The following USP1 variants were observed in gnomAD, a reference collection of about 807,000 sequenced individuals.
The protein encoded by USP1 is ubiquitin carboxyl-terminal hydrolase 1.
In USP1, 18 loss-of-function variants were observed where a neutral mutation model predicts 72.2. That is an observed-to-expected ratio of 0.25 (90% CI 0.17 to 0.37). The LOEUF is 0.37. USP1 is among the 10% of genes least tolerant of loss of function. USP1 has a pLI of 1.00. For missense variants in USP1, 759 were observed against 884.9 expected, an observed-to-expected ratio of 0.86 and a Z score of 1.81; for synonymous variants, 354 against 303.7, an observed-to-expected ratio of 1.17 and a Z score of -1.72.
Position 62,439,946 on chromosome 1 carries a change from T to G in USP1, c.79T>G (p.Phe27Val), listed in dbSNP as rs372630655. The change falls in exon 2 of 9, where the codon TTT becomes GTT. Residue 27 changes from phenylalanine (F) to valine (V), a missense_variant. By Grantham distance (50) the Phe-to-Val change is conservative. Around this residue, in one of 9 missense-constraint regions of USP1, gnomAD observed 86 missense variants for 82.0 expected, o/e 1.05. Coordinates refer to ENST00000339950, the MANE Select transcript of USP1 (RefSeq NM_003368.5). ...AAAGAAAAACAGACTTTCCTTAAAG[T>G]TTTTTCAGAAAAAGGAAACTAAGAG... is the stretch of plus-strand genomic sequence containing the variant. ...PSKKNRLSLK[F>V]FQKKETKRAL... The G allele has an allele frequency of 1.1e-5, 17 of 1,567,208 alleles. No homozygotes were observed. In the South Asian group the frequency reaches 1.8e-4, roughly 17 times the overall value.
intron 8 of USP1, among the ~76,000 whole-genome samples, chr1:62,449,410 CAT>C (rs538953237): frequency 6.0e-4 from 92 of 152,132 alleles, no homozygotes; most frequent in African/African-American, 2.1e-3. Flanking sequence ...TTTTTTCTGA[CAT>C]GTGTAATGTC....
At chr1:62,447,829 C>T (rs1043628280) in intron 7 of USP1, among the ~76,000 whole-genome samples, 1 of 152,086 alleles carries the variant, frequency 6.6e-6, no homozygotes, top group Non-Finnish European at 1.5e-5. Context: ...CTCGGTTGCC[C>T]AGGCTGGAGT....
intron 3 of USP1, 67 bp from the exon 4 acceptor site, chr1:62,442,128 G>A: frequency 9.2e-7 from 1 of 1,087,224 alleles, no homozygotes; most frequent in African/African-American, 1.6e-5. Flanking sequence ...AAAGCATGAT[G>A]TTGTTTTAAT....
chr1:62,450,511 G>A lies in USP1; in HGVS notation c.1888G>A (p.Glu630Lys). ...EIGKPEPLNE[E>K]EARGVVENYN... Reference sequence around the variant, plus strand: ...AGGTAAGCCAGAACCATTGAATGAGGAGGAAGCAAGGGGTGTGGTTGAGAA... The same window carrying A: ...AGGTAAGCCAGAACCATTGAATGAGAAGGAAGCAAGGGGTGTGGTTGAGAA... The change falls in exon 9 of 9, where the codon GAG (glutamate) becomes AAG (lysine). Residue 630 changes from glutamate to lysine, a missense_variant. Transcript: ENST00000339950. 1 of 1,614,056 alleles carries A rather than the reference G, an allele frequency of 6.2e-7. No homozygotes were observed. Among genetic ancestry groups the A allele is most frequent in the Non-Finnish European group, 8.5e-7 (1 of 1,180,016 alleles).
In USP1 at chr1:62,444,939, T is replaced by C. The variant is rs199900749; in HGVS notation, c.759T>C (p.Ser253=). The part of the protein sequence containing the change: ...MNGINSIEMD[S]MRHSEDFKEK... ...GTATTAACAGCATAGAGATGGACAG[T>C]ATGAGGCATTCTGAAGACTTTAAAG... is the stretch of plus-strand genomic sequence containing the variant. The change falls in exon 6 of 9, where the codon AGT becomes AGC. Residue 253 remains serine (S), a synonymous_variant. Coordinates refer to ENST00000339950, the MANE Select transcript of USP1 (RefSeq NM_003368.5). The C allele has an allele frequency of 1.2e-4, 199 of 1,613,562 alleles. No individual in the cohort carries two copies. Among genetic ancestry groups the C allele is most frequent in the Non-Finnish European group, 1.6e-4 (190 of 1,179,852 alleles).
intron 7 of USP1, among the ~76,000 whole-genome samples, 153 bp from the exon 8 acceptor site, chr1:62,448,312 T>A (rs1195983435): frequency 1.3e-5 from 2 of 152,254 alleles, no homozygotes; most frequent in Non-Finnish European, 2.9e-5. Flanking sequence ...AGGATGCACT[T>A]ATGAAAGTAG....
In USP1 at chr1:62,438,892, G is replaced by C. The variant is rs1438135824; in HGVS notation, c.-69-907G>C. On this transcript the variant is annotated intron_variant, in intron 1 of 8. Transcript: ENST00000339950. ...GAATTGGATTTACACAAAGTGCATC[G>C]AACAGTTTTTTTTATCACGGTCTCA... Among the ~76,000 whole-genome samples, 3 of 152,138 alleles carry C rather than the reference G, an allele frequency of 2.0e-5. No homozygotes were observed. The East Asian group carries it at 5.8e-4, about 29-fold the overall frequency.
At position 62,451,737 on chromosome 1, in the gene USP1, T is replaced by A; in HGVS notation, c.*756T>A. On this transcript the variant is annotated 3_prime_UTR_variant, in exon 9 of 9. Transcript: ENST00000339950. ...CAATAAAATTTAAACTGCTTAACTA[T>A]GTATATGAATATTTGAATTTTTTAC... 6.5e-6 allele frequency: 1 copy of A among 152,744 alleles called. No individual in the cohort carries two copies. The highest frequency in any genetic ancestry group is 2.1e-4 in the South Asian group (1 of 4,832). 9.5% of individuals were successfully genotyped at this position (152,744 alleles called of 1,614,324 possible). A position where few individuals can be genotyped will look rare whatever the true frequency, so the allele number is the denominator to read the frequency against.
Position 62,443,213 on chromosome 1 carries a change from T to G in USP1, c.451T>G (p.Ser151Ala), listed in dbSNP as rs530353623. 1.5e-5 allele frequency: 25 copies of G among 1,614,072 alleles called. No individual in the cohort carries two copies. The South Asian group carries it at 2.7e-4, about 18-fold the overall frequency. The change falls in exon 5 of 9, where the codon TCC becomes GCC. Residue 151 changes from serine to alanine, a missense_variant. By Grantham distance (99) the Ser-to-Ala change is moderately conservative (BLOSUM62 1). Around this residue, in one of 9 missense-constraint regions of USP1, gnomAD observed 71 missense variants for 71.0 expected, o/e 1.00. Transcript: ENST00000339950. Reference protein sequence around the residue: ...ASYELICSLQSLIISVEQLQA... With the variant: ...ASYELICSLQALIISVEQLQA... ...TTATGAATTGATATGCAGTTTACAG[T>G]CCTTAATCATTTCGGTTGAACAGCT...
intron 1 of USP1, among the ~76,000 whole-genome samples, chr1:62,438,509 A>G (rs1405366159): frequency 6.6e-6 from 1 of 152,186 alleles, no homozygotes; most frequent in Non-Finnish European, 1.5e-5. Flanking sequence ...GCCATGTGAA[A>G]TGCTTATTAA....
At position 62,451,397 on chromosome 1, in the gene USP1, ATTTAGT is replaced by A. The variant is rs1459951564; in HGVS notation, c.*421_*426del. On this transcript the variant is annotated 3_prime_UTR_variant, in exon 9 of 9. Transcript: ENST00000339950. ...CAAGAAGCAGAATCTCATTCAGTACATTTAGTTTTATAAGAGTCATGAAGCTAAATC... is the reference window on the plus strand; with the variant it reads ...CAAGAAGCAGAATCTCATTCAGTACATTTATAAGAGTCATGAAGCTAAATC... 1 of 156,052 alleles carries A rather than the reference ATTTAGT, an allele frequency of 6.4e-6. No homozygotes were observed. Among genetic ancestry groups the A allele is most frequent in the Non-Finnish European group, 1.4e-5 (1 of 70,538 alleles). 9.7% of individuals were successfully genotyped at this position (156,052 alleles called of 1,614,324 possible). A position where few individuals can be genotyped will look rare whatever the true frequency, so the allele number is the denominator to read the frequency against.
intron 5 of USP1, 42 bp from the exon 6 acceptor site, chr1:62,444,692 GTATC>G (rs1424607369): frequency 1.4e-6 from 2 of 1,421,808 alleles, no homozygotes; most frequent in African/African-American, 2.9e-5. Flanking sequence ...TTTATGTACT[GTATC>G]TTCAAAACTA....
chr1:62,447,976 C>T (rs1037107229), intron 7 of USP1, among the ~76,000 whole-genome samples: 6 of 152,020 alleles, frequency 3.9e-5, no homozygotes, highest in South Asian at 2.1e-4. Flanking sequence ...TTAGTAGAGA[C>T]GGGGTTTCAC....
chr1:62,442,066 CAA>C, intron 3 of USP1, 127 bp from the exon 4 acceptor site: 1 of 652,686 alleles, frequency 1.5e-6, no homozygotes, highest in Non-Finnish European at 2.5e-6. Context: ...AATTTTGACA[CAA>C]AACTTAATCT....
In USP1 at chr1:62,450,257, ATGG is replaced by A; in HGVS notation, c.1641_1643del (p.Gly548del). 6.2e-7 allele frequency: 1 copy of A among 1,609,656 alleles called. No individual in the cohort carries two copies. The highest frequency in any genetic ancestry group is 8.5e-7 in the Non-Finnish European group (1 of 1,176,634). ...TTTTCCTCCCAAAGGTTTGATTGTT[ATGG>A]TGGTGGACTTTCCAAGATCAACACT... is the stretch of plus-strand genomic sequence containing the variant. On this transcript the variant is annotated inframe_deletion, in exon 9 of 9. Transcript: ENST00000339950.
At chr1:62,446,104 TAAAAG>T (rs1345200942) in intron 6 of USP1, among the ~76,000 whole-genome samples, 1 of 152,236 alleles carries the variant, frequency 6.6e-6, no homozygotes, top group Non-Finnish European at 1.5e-5. Context: ...AGTGAAATTT[TAAAAG>T]TAAAGACTAA....
rs554607033 is a variant in USP1 at position 62,451,221 on chromosome 1, TAATTA to T, written c.*246_*250del. 1.1e-4 allele frequency: 39 copies of T among 350,318 alleles called. No individual in the cohort carries two copies. The highest frequency in any genetic ancestry group is 7.0e-4 in the African/African-American group (33 of 47,412). 21.7% of individuals were successfully genotyped at this position (350,318 alleles called of 1,614,324 possible). Reference sequence around the variant, plus strand: ...CTGGGAACAAACTTGTATCGGTTCTTAATTAAATTATCCAAAACGGAGGCATTTAA... The same window carrying T: ...CTGGGAACAAACTTGTATCGGTTCTTAATTATCCAAAACGGAGGCATTTAA... On this transcript the variant is annotated 3_prime_UTR_variant, in exon 9 of 9. Transcript: ENST00000339950.
intron 7 of USP1, 149 bp downstream of exon 7, chr1:62,447,660 C>G: frequency 1.2e-6 from 1 of 813,116 alleles, no homozygotes; most frequent in Non-Finnish European, 1.8e-6. Flanking sequence ...TCTGGCTTCA[C>G]TTATAAATGG....
chr1:62,439,339 C>G (rs1408012749), intron 1 of USP1, among the ~76,000 whole-genome samples: 1 of 152,184 alleles, frequency 6.6e-6, no homozygotes, highest in African/African-American at 2.4e-5. Context: ...CGCCCGCCAG[C>G]ACGCCCGGCT....
Sources: allele counts gnomAD v4.1 joint callset (sites outside exome capture counted in the v4.1 genomes callset), GRCh38; gene constraint gnomAD v4.1.1; regional missense constraint gnomAD v4.1.1; transcripts MANE v1.5; gene names NCBI Gene and HGNC (gene_info 2026-07-23, HGNC 2026-07-21).